Variants in FAM120B observed in about 807,000 individuals in gnomAD.
FAM120B encodes the protein constitutive coactivator of peroxisome proliferator-activated receptor gamma.
In FAM120B, 83 loss-of-function variants were observed where a neutral mutation model predicts 96.3. The ratio of observed to expected loss-of-function variants is 0.86; its 90% CI spans 0.72 to 1.03. The LOEUF is 1.03. FAM120B is among the 50% of genes least tolerant of loss of function. The pLI, the probability that FAM120B is intolerant of heterozygous loss-of-function variation, is 0.00. For synonymous variants in FAM120B, 407 were observed against 402.7 expected, an observed-to-expected ratio of 1.01 and a Z score of -0.13; for missense variants, 1,027 against 1,121.2, an observed-to-expected ratio of 0.92 and a Z score of 1.20.
intron 4 of FAM120B, among the ~76,000 whole-genome samples, chr6:170,335,170 A>G (rs980826410): frequency 6.6e-5 from 10 of 151,156 alleles, no homozygotes; most frequent in Non-Finnish European, 1.3e-4. Context: ...TAAGCCCCAC[A>G]TGCATTAGGT....
In FAM120B at chr6:170,395,542, T is replaced by C. The variant is rs750183079; in HGVS notation, c.2655T>C (p.Arg885=). The C allele has an allele frequency of 1.2e-6, 2 of 1,600,322 alleles. No homozygotes were observed. Among genetic ancestry groups the C allele is most frequent in the Non-Finnish European group, 8.5e-7 (1 of 1,173,598 alleles). Reference sequence around the variant, plus strand: ...ACAGGACGGGCTCTGGGTATAGCCGTTCCAGTCAGGGACAGCCGTGGAGAG... The same window carrying C: ...ACAGGACGGGCTCTGGGTATAGCCGCTCCAGTCAGGGACAGCCGTGGAGAG... ...SYHRTGSGYS[R]SSQGQPWRDQ... Residue 885 remains arginine (R), a synonymous_variant, in exon 9 of 11, where the codon CGT becomes CGC. Coordinates refer to ENST00000476287, the MANE Select transcript of FAM120B (RefSeq NM_032448.3).
chr6:170,390,929 C>T lies in FAM120B; in HGVS notation c.2491-84C>T, dbSNP rs572128783. The T allele has an allele frequency of 2.8e-5, 30 of 1,080,356 alleles. No individual in the cohort carries two copies. In the East Asian group the frequency reaches 7.0e-4, roughly 25 times the overall value. 66.9% of individuals were successfully genotyped at this position (1,080,356 alleles called of 1,614,324 possible). ...CTTGGGAACAGTGTGGAAGGGTGTCCCCTAAGCTTCCTTCCAGCCACATCT... is the reference window on the plus strand; with the variant it reads ...CTTGGGAACAGTGTGGAAGGGTGTCTCCTAAGCTTCCTTCCAGCCACATCT... On this transcript the variant is annotated intron_variant, in intron 7 of 10. Coordinates refer to ENST00000476287, the MANE Select transcript of FAM120B (RefSeq NM_032448.3).
intron 6 of FAM120B, among the ~76,000 whole-genome samples, chr6:170,387,484 T>C (rs1315914714): frequency 1.3e-5 from 2 of 152,218 alleles, no homozygotes; most frequent in African/African-American, 4.8e-5. Context: ...GATATCGGTA[T>C]CACTTTCCAT....
At position 170,295,537 on chromosome 6, in the gene FAM120B, C is replaced by G. The variant is rs1242821171; in HGVS notation, c.48+84C>G. 1.4e-5 allele frequency: 9 copies of G among 626,078 alleles called. No homozygotes were observed. In the East Asian group the frequency reaches 2.6e-4, roughly 18 times the overall value. The allele number at this position is 626,078 out of a possible 1,614,324, so 38.8% of individuals were successfully genotyped here. Reference sequence around the variant, plus strand: ...GCGGGCAGGAGCGCGACCCCCGGCGCGGGCAGCTCTGCGCGAAGGTGGGCG... The same window carrying G: ...GCGGGCAGGAGCGCGACCCCCGGCGGGGGCAGCTCTGCGCGAAGGTGGGCG... On this transcript the variant is annotated intron_variant, in intron 1 of 10. Coordinates refer to the FAM120B transcript ENST00000537664. This position sits in a 1 kb window ranked among gnomAD's most constrained non-coding sequence, Gnocchi z 7.8.
At chr6:170,317,315 G>A (rs905924152) in intron 1 of FAM120B, 55 bp from the exon 2 acceptor site, 2 of 1,360,778 alleles carry the variant, frequency 1.5e-6, no homozygotes, top group African/African-American at 2.9e-5. Context: ...TTTGAAAGGT[G>A]CCATATATCT....
At chr6:170,330,587 T>C (rs776943855) in intron 4 of FAM120B, 37 bp downstream of exon 4, 5 of 1,444,602 alleles carry the variant, frequency 3.5e-6, no homozygotes, top group Admixed American at 1.7e-5. Context: ...CCACAGATCT[T>C]TCCATTCTAT....
intron 9 of FAM120B, among the ~76,000 whole-genome samples, chr6:170,402,828 A>G (rs2115349591): frequency 1.3e-5 from 2 of 152,336 alleles, no homozygotes; most frequent in Admixed American, 1.3e-4. Context: ...AGAAACAATA[A>G]AACTGTAATG....
upstream of FAM120B, among the ~76,000 whole-genome samples, chr6:170,291,361 G>A (rs368412632): frequency 6.6e-6 from 1 of 151,686 alleles, no homozygotes; most frequent in East Asian, 2.0e-4. Flanking sequence ...CGCGGCCTCC[G>A]AAACTCCGGG....
chr6:170,378,132 A>G (rs1789682451), intron 6 of FAM120B, among the ~76,000 whole-genome samples: 1 of 152,158 alleles, frequency 6.6e-6, no homozygotes, highest in South Asian at 2.1e-4. Flanking sequence ...TGTCTGTGGA[A>G]TTTTCCTTGG....
At chr6:170,362,713 G>A (rs1390103389) in intron 6 of FAM120B, among the ~76,000 whole-genome samples, 3 of 149,674 alleles carry the variant, frequency 2.0e-5, no homozygotes, top group Admixed American at 6.6e-5. Context: ...ACAAGGTCTG[G>A]CTCTGTTGCC....
At position 170,388,408 on chromosome 6, in the gene FAM120B, GGA is replaced by G. The variant is rs758322618; in HGVS notation, c.2406_2407del (p.Trp802Ter). 7.4e-6 allele frequency: 12 copies of G among 1,614,138 alleles called. No homozygotes were observed. The highest frequency in any genetic ancestry group is 1.0e-5 in the Non-Finnish European group (12 of 1,180,024). On this transcript the variant is annotated stop_gained and frameshift_variant, in exon 7 of 11. Coordinates refer to ENST00000476287, the MANE Select transcript of FAM120B (RefSeq NM_032448.3). LOFTEE classifies it high-confidence loss of function. ...TGGAAGACGAGTGATTTCATGCCCT[GGA>G]ATGTATTTGACGGGAAGCTTTTTCA...
At chr6:170,400,683 A>C (rs1778524645) in intron 9 of FAM120B, among the ~76,000 whole-genome samples, 1 of 152,210 alleles carries the variant, frequency 6.6e-6, no homozygotes, top group Non-Finnish European at 1.5e-5. Context: ...CTTTCCTGGC[A>C]TTAATTCTAA....
upstream of FAM120B, among the ~76,000 whole-genome samples, chr6:170,294,264 CTTT>C (rs1019113747): frequency 6.6e-6 from 1 of 152,152 alleles, no homozygotes; most frequent in African/African-American, 2.4e-5. This position sits in a 1 kb window ranked among gnomAD's most constrained non-coding sequence, Gnocchi z 7.9. Context: ...CTTTTAAATA[CTTT>C]TTTATGTCTC....
chr6:170,308,842 T>C (rs1425655675), intron 1 of FAM120B, among the ~76,000 whole-genome samples: 1 of 152,186 alleles, frequency 6.6e-6, no homozygotes, highest in African/African-American at 2.4e-5. Flanking sequence ...AAACAAAATG[T>C]GAATGAATGG....
intron 3 of FAM120B, among the ~76,000 whole-genome samples, chr6:170,327,151 A>G (rs985482660): frequency 4.6e-5 from 7 of 151,964 alleles, no homozygotes; most frequent in African/African-American, 1.7e-4. Flanking sequence ...GGTTCACACC[A>G]TTCTCCTGCC....
chr6:170,317,344 A>G, intron 1 of FAM120B, 26 bp from the exon 2 acceptor site: 4 of 1,546,574 alleles, frequency 2.6e-6, no homozygotes, highest in Non-Finnish European at 3.5e-6. Context: ...TGCCATAATT[A>G]CTGATTAATT....
At chr6:170,377,966 G>A (rs1789665099) in intron 6 of FAM120B, among the ~76,000 whole-genome samples, 1 of 143,530 alleles carries the variant, frequency 7.0e-6, no homozygotes, top group African/African-American at 2.5e-5. Context: ...TTAGAACAGA[G>A]CAGTTAACTG....
At position 170,406,937 on chromosome 6, in the gene FAM120B, C is replaced by A. The variant is rs1778822617; in HGVS notation, c.*2186C>A. The A allele has an allele frequency of 6.6e-6, 1 of 152,124 alleles. No homozygotes were observed. Among genetic ancestry groups the A allele is most frequent in the African/African-American group, 2.4e-5 (1 of 41,416 alleles). 9.4% of individuals were successfully genotyped at this position (152,124 alleles called of 1,614,324 possible). On this transcript the variant is annotated 3_prime_UTR_variant, in exon 11 of 11. Coordinates refer to ENST00000476287, the MANE Select transcript of FAM120B (RefSeq NM_032448.3). ...CATTGAGTTAGTATAATCTTTATTA[C>A]CTTTGAAAAACCAGAGAGCTGAATT...
At chr6:170,306,299 C>T (rs1784279352), upstream of FAM120B, among the ~76,000 whole-genome samples, 1 of 152,114 alleles carries the variant, frequency 6.6e-6, no homozygotes, top group Admixed American at 6.5e-5. Context: ...GTGCAGGAGC[C>T]CCCCGCTGTC....
Sources: allele counts gnomAD v4.1 joint callset (sites outside exome capture counted in the v4.1 genomes callset), GRCh38; gene constraint gnomAD v4.1.1; non-coding constraint Gnocchi (gnomAD v3.1); transcripts MANE v1.5; gene names NCBI Gene and HGNC (gene_info 2026-07-23, HGNC 2026-07-21).